CSMD1: variants seen among roughly 807,000 people sequenced by gnomAD.
CSMD1 encodes the protein CUB and sushi domain-containing protein 1.
In CSMD1, 213 loss-of-function variants were observed where a neutral mutation model predicts 417.5. That is an observed-to-expected ratio of 0.51 (90% confidence interval 0.46 to 0.57). The LOEUF (loss-of-function observed/expected upper bound fraction) is 0.57. Among genes scored for constraint, CSMD1 ranks in the 20% least tolerant of loss-of-function variants. The probability of loss-of-function intolerance (pLI) is 0.00; values close to 1 mark genes in which losing one functional copy is unlikely to be tolerated. For missense variants in CSMD1, 6,923 were observed against 4,529.7 expected, an observed-to-expected ratio of 1.53 and a Z score of -15.17; for synonymous variants, 2,862 against 1,736.8, an observed-to-expected ratio of 1.65 and a Z score of -16.11.
At chr8:3,434,847 C>T (rs1219935383) in intron 12 of CSMD1, among the ~76,000 whole-genome samples, 1 of 152,178 alleles carries the variant, frequency 6.6e-6, no homozygotes, top group African/African-American at 2.4e-5. Context: ...GGAAGTGGCA[C>T]ACTCAAATCG....
intron 12 of CSMD1, among the ~76,000 whole-genome samples, chr8:3,423,828 C>T (rs1443359710): frequency 1.3e-5 from 2 of 152,202 alleles, no homozygotes; most frequent in Admixed American, 1.3e-4. Flanking sequence ...CCTTGTCTCT[C>T]CTCACAACTG....
intron 5 of CSMD1, among the ~76,000 whole-genome samples, chr8:3,818,398 G>C (rs1801517632): frequency 6.6e-6 from 1 of 152,170 alleles, no homozygotes. Context: ...GGAAATCTGA[G>C]TTTCAGAAAA....
chr8:4,586,829 C>T (rs1339267136), intron 2 of CSMD1, among the ~76,000 whole-genome samples: 1 of 152,186 alleles, frequency 6.6e-6, no homozygotes, highest in Admixed American at 6.5e-5. Flanking sequence ...GGTCTGCACG[C>T]ACAGTAGGAT....
chr8:4,415,803 G>T (rs74341629), intron 3 of CSMD1, among the ~76,000 whole-genome samples: 1 of 152,132 alleles, frequency 6.6e-6, no homozygotes, highest in Non-Finnish European at 1.5e-5. Context: ...GTGTTTACAT[G>T]TATGTGCATT....
At chr8:4,685,610 A>G (rs1806322675) in intron 1 of CSMD1, among the ~76,000 whole-genome samples, 1 of 152,228 alleles carries the variant, frequency 6.6e-6, no homozygotes, top group African/African-American at 2.4e-5. Context: ...AGAAAGAAAG[A>G]AAAACGTAAG....
intron 3 of CSMD1, among the ~76,000 whole-genome samples, chr8:4,175,378 C>T (rs998184760): frequency 2.0e-5 from 3 of 152,126 alleles, no homozygotes; most frequent in Admixed American, 1.3e-4. Context: ...GGGCTCTAGT[C>T]TGATCTTCTC....
chr8:4,079,173 A>C (rs1285252146), intron 3 of CSMD1, among the ~76,000 whole-genome samples: 1 of 152,004 alleles, frequency 6.6e-6, no homozygotes, highest in Admixed American at 6.6e-5. Flanking sequence ...GTATAAATTG[A>C]ATATAAGCTA....
intron 3 of CSMD1, among the ~76,000 whole-genome samples, chr8:4,157,862 G>C (rs1162755629): frequency 6.6e-6 from 1 of 152,102 alleles, no homozygotes; most frequent in Non-Finnish European, 1.5e-5. Flanking sequence ...TGCTGAAGTT[G>C]GGCTTGGTCC....
At chr8:3,985,848 G>C (rs1363200988) in intron 5 of CSMD1, among the ~76,000 whole-genome samples, 2 of 151,450 alleles carry the variant, frequency 1.3e-5, no homozygotes, top group Admixed American at 6.6e-5. Context: ...CTGTACCCTA[G>C]GTCTGTCTGA....
chr8:4,531,006 C>G (rs531956931), intron 2 of CSMD1, among the ~76,000 whole-genome samples: 1 of 152,032 alleles, frequency 6.6e-6, no homozygotes, highest in Non-Finnish European at 1.5e-5. Flanking sequence ...ACATGAACTG[C>G]CACCCCATCC....
intron 3 of CSMD1, among the ~76,000 whole-genome samples, chr8:4,169,820 C>A (rs542605269): frequency 2.6e-5 from 4 of 152,096 alleles, no homozygotes; most frequent in Admixed American, 2.6e-4. Flanking sequence ...CACTTTCTGT[C>A]TGCCCTTCCT....
chr8:3,405,945 C>T (rs902487234), intron 15 of CSMD1, 82 bp downstream of exon 15: 15 of 1,362,666 alleles, frequency 1.1e-5, no homozygotes, highest in African/African-American at 2.9e-5. Context: ...AGCAAGCTAA[C>T]ACAGTTTGTT....
intron 7 of CSMD1, among the ~76,000 whole-genome samples, chr8:3,677,209 C>T (rs1232854856): frequency 6.6e-6 from 1 of 152,086 alleles, no homozygotes; most frequent in African/African-American, 2.4e-5. Context: ...TATAGAAATA[C>T]ACACAAGGAA....
At chr8:4,917,167 A>G (rs928760842) in intron 1 of CSMD1, among the ~76,000 whole-genome samples, 2 of 152,220 alleles carry the variant, frequency 1.3e-5, no homozygotes, top group African/African-American at 4.8e-5. Context: ...TGGCTGGAGC[A>G]GGAGGAAGAC....
chr8:4,361,868 T>A (rs1010673501), intron 3 of CSMD1, among the ~76,000 whole-genome samples: 2 of 152,058 alleles, frequency 1.3e-5, no homozygotes, highest in African/African-American at 4.8e-5. Context: ...GGCAGAAGAA[T>A]TGCTTGAACC....
chr8:3,871,773 T>A (rs1188534579), intron 5 of CSMD1, among the ~76,000 whole-genome samples: 1 of 152,178 alleles, frequency 6.6e-6, no homozygotes, highest in Non-Finnish European at 1.5e-5. Flanking sequence ...GTGGATGACA[T>A]AAAGATTAAA....
intron 1 of CSMD1, among the ~76,000 whole-genome samples, chr8:4,944,370 G>C (rs1808224897): frequency 6.6e-6 from 1 of 152,166 alleles, no homozygotes; most frequent in African/African-American, 2.4e-5. Context: ...ATAAGGGCCA[G>C]CAAAAATGCT....
intron 49 of CSMD1, among the ~76,000 whole-genome samples, chr8:3,076,254 T>A (rs1022780646): frequency 9.2e-5 from 8 of 86,776 alleles, no homozygotes; most frequent in Admixed American, 5.0e-4. Flanking sequence ...GTAGACATCA[T>A]CTTCTTGCTG....
chr8:4,634,367 CTTAAGT>C (rs1220818389), intron 2 of CSMD1, among the ~76,000 whole-genome samples: 9 of 151,996 alleles, frequency 5.9e-5, no homozygotes, highest in South Asian at 4.2e-4. Context: ...AAATCTGCCT[CTTAAGT>C]TTATTTCGAA....
Sources: gnomAD v4.1 joint callset for allele counts (sites outside exome capture counted in the v4.1 genomes callset) on GRCh38, gnomAD v4.1.1 for gene constraint, MANE v1.5 for transcripts, NCBI Gene and HGNC (gene_info 2026-07-23, HGNC 2026-07-21) for gene names.